NCOR1: variants seen among roughly 807,000 people sequenced by gnomAD.
NCOR1 encodes protein phosphatase 1, regulatory subunit 109.
Under a neutral mutation model 288.1 loss-of-function variants are expected in NCOR1, and 63 were observed. The ratio of observed to expected loss-of-function variants is 0.22; its 90% CI spans 0.18 to 0.27. The LOEUF is 0.27. NCOR1 is among the 10% of genes least tolerant of loss of function. NCOR1 has a pLI of 1.00. For missense variants in NCOR1, 2,397 were observed against 3,019.2 expected (o/e 0.79, Z 4.83); for synonymous variants, 1,007 against 1,065.9 (o/e 0.94, Z 1.08).
intron 10 of NCOR1, among the ~76,000 whole-genome samples, chr17:16,146,038 G>T (rs1374977744): frequency 6.6e-6 from 1 of 152,126 alleles, no homozygotes; most frequent in African/African-American, 2.4e-5. Flanking sequence ...GGTCCATTAA[G>T]GGTTAAATGG....
chr17:16,050,863 T>TC (rs1247195839), intron 40 of NCOR1, among the ~76,000 whole-genome samples: 1 of 152,160 alleles, frequency 6.6e-6, no homozygotes, highest in Non-Finnish European at 1.5e-5. Flanking sequence ...AGACAGGGTC[T>TC]CCCTCTGTCA....
At chr17:16,068,777 G>C (rs1381830481) in intron 31 of NCOR1, among the ~76,000 whole-genome samples, 1 of 146,966 alleles carries the variant, frequency 6.8e-6, no homozygotes, top group Non-Finnish European at 1.5e-5. Flanking sequence ...GCAGTGGCGT[G>C]ATCTTGGCTC....
At chr17:16,164,174 G>C (rs1458743991) in intron 5 of NCOR1, among the ~76,000 whole-genome samples, 1 of 151,640 alleles carries the variant, frequency 6.6e-6, no homozygotes, top group African/African-American at 2.4e-5. Flanking sequence ...CTGGGAGACA[G>C]AGGTTGCAGT....
chr17:16,119,149 G>A (rs1270681064), intron 17 of NCOR1, among the ~76,000 whole-genome samples: 3 of 152,032 alleles, frequency 2.0e-5, no homozygotes, highest in Admixed American at 1.3e-4. Context: ...AAGTGAAAAC[G>A]ACCTACTTGT....
chr17:16,110,416 G>A (rs1315166082), intron 18 of NCOR1, among the ~76,000 whole-genome samples: 1 of 151,938 alleles, frequency 6.6e-6, no homozygotes, highest in Admixed American at 6.6e-5. Flanking sequence ...AAAATTGTAT[G>A]CTCCCTTCTG....
chr17:16,101,178 C>T (rs1281516808), intron 20 of NCOR1, 72 bp downstream of exon 20: 4 of 1,465,372 alleles, frequency 2.7e-6, no homozygotes, highest in Non-Finnish European at 2.7e-6. Flanking sequence ...ATGTCTGCAG[C>T]CAGCACCACC....
chr17:16,074,166 A>G (rs148958626), intron 27 of NCOR1, among the ~76,000 whole-genome samples: 1 of 152,230 alleles, frequency 6.6e-6, no homozygotes, highest in East Asian at 1.9e-4. Context: ...ACTAAAGGGA[A>G]AAGTGAGAAG....
chr17:16,047,083 G>A lies in NCOR1; in HGVS notation c.6547C>T (p.Arg2183Cys), dbSNP rs190623603. ...AAGTAGCTTATACTCCCTGGTGAGC[G>A]GGCATCATTCCTGTTAGGGCCAAAG... ...AEPAEQRNDA[R>C]SPGSISYLPS... Residue 2183 changes from arginine to cysteine, a missense_variant, in exon 42 of 46, where the codon CGC (arginine) becomes TGC (cysteine). This residue lies in a region of NCOR1 where 1,872 missense variants were observed against 2,187.8 expected (regional missense o/e 0.86). Transcript: ENST00000268712. The A allele has an allele frequency of 1.6e-5, 26 of 1,611,778 alleles. No homozygotes were observed. Among genetic ancestry groups the A allele is most frequent in the South Asian group, 5.5e-5 (5 of 90,654 alleles).
intron 19 of NCOR1, among the ~76,000 whole-genome samples, chr17:16,106,390 C>T (rs1209061059): frequency 6.6e-6 from 1 of 151,782 alleles, no homozygotes; most frequent in Non-Finnish European, 1.5e-5. Flanking sequence ...CATAATGTTT[C>T]ACCAAGCAGT....
chr17:16,111,083 T>C (rs1039634446), intron 18 of NCOR1, among the ~76,000 whole-genome samples: 2 of 152,178 alleles, frequency 1.3e-5, no homozygotes, highest in African/African-American at 2.4e-5. Context: ...TAAATTATTA[T>C]ATGGATTTTT....
At chr17:16,103,882 T>C (rs1473446131) in intron 19 of NCOR1, among the ~76,000 whole-genome samples, 2 of 152,174 alleles carry the variant, frequency 1.3e-5, no homozygotes, top group African/African-American at 4.8e-5. Context: ...ACATGTGGCA[T>C]GCCTGTGCTC....
chr17:16,056,972 A>G (rs1227908170), intron 40 of NCOR1: 1 of 152,282 alleles, frequency 6.6e-6, no homozygotes, highest in Non-Finnish European at 1.5e-5. Context: ...TAAATGCAGA[A>G]GCAAGCAAAC....
At chr17:16,191,444 T>C (rs1424494149) in intron 2 of NCOR1, among the ~76,000 whole-genome samples, 2 of 152,150 alleles carry the variant, frequency 1.3e-5, no homozygotes, top group African/African-American at 4.8e-5. Flanking sequence ...GTAAAAAAAG[T>C]ATGAAACTCA....
chr17:16,195,409 T>C (rs1478462349), intron 1 of NCOR1, among the ~76,000 whole-genome samples: 1 of 151,482 alleles, frequency 6.6e-6, no homozygotes, highest in Admixed American at 6.6e-5. Context: ...AGGCGGAGGT[T>C]GCAGTGAGCC....
chr17:16,127,628 C>CACATGTGT (rs2074838234), intron 14 of NCOR1, among the ~76,000 whole-genome samples: 1 of 125,706 alleles, frequency 8.0e-6, no homozygotes, highest in African/African-American at 3.3e-5. Flanking sequence ...TGTATATATA[C>CACATGTGT]ATATATGTAT....
chr17:16,161,422 G>A (rs1194979417), intron 5 of NCOR1, among the ~76,000 whole-genome samples: 1 of 152,056 alleles, frequency 6.6e-6, no homozygotes, highest in African/African-American at 2.4e-5. Flanking sequence ...CCCAAGTAGA[G>A]TAGCTGGGAT....
At chr17:16,115,183 G>C (rs1231733851) in intron 18 of NCOR1, among the ~76,000 whole-genome samples, 1 of 152,282 alleles carries the variant, frequency 6.6e-6, no homozygotes, top group Non-Finnish European at 1.5e-5. Context: ...TTTCAGCCAT[G>C]GCCAGAGCTG....
At chr17:16,187,900 TAA>T (rs75372492) in intron 2 of NCOR1, among the ~76,000 whole-genome samples, 24 of 123,028 alleles carry the variant, frequency 2.0e-4, no homozygotes, top group Non-Finnish European at 1.7e-4. Flanking sequence ...ACACCATCTT[TAA>T]AAAAAAAAAA....
At chr17:16,045,453 A>G (rs1401078667) in intron 42 of NCOR1, among the ~76,000 whole-genome samples, 1 of 152,228 alleles carries the variant, frequency 6.6e-6, no homozygotes, top group African/African-American at 2.4e-5. Context: ...AGCCTACCAC[A>G]TAGTACGCTA....
Sources: allele counts gnomAD v4.1 joint callset (sites outside exome capture counted in the v4.1 genomes callset), GRCh38; gene constraint gnomAD v4.1.1; regional missense constraint gnomAD v4.1.1; transcripts MANE v1.5; gene names NCBI Gene and HGNC (gene_info 2026-07-23, HGNC 2026-07-21).